The following SGMS1 variants were observed in gnomAD, a reference collection of about 807,000 sequenced individuals.
The protein encoded by SGMS1 is sphingomyelin synthase 1, also known as phosphatidylcholine:ceramide cholinephosphotransferase 1.
SGMS1 carries 13 observed loss-of-function variants against 46.2 expected under a neutral mutation model. That is an observed-to-expected ratio of 0.28 (90% CI 0.18 to 0.45). SGMS1 has a LOEUF of 0.45. SGMS1 is among the 20% of genes least tolerant of loss of function. SGMS1 has a pLI of 1.00. For synonymous variants in SGMS1, 203 were observed against 187.8 expected (o/e 1.08, Z -0.66); for missense variants, 324 against 519.9 (o/e 0.62, Z 3.66).
chr10:50,422,827 T>G (rs918407288), intron 6 of SGMS1, among the ~76,000 whole-genome samples: 1 of 152,220 alleles, frequency 6.6e-6, no homozygotes, highest in Non-Finnish European at 1.5e-5. Context: ...GTTTTACATT[T>G]GCATTAGAGC....
chr10:50,422,647 T>C, intron 6 of SGMS1, among the ~76,000 whole-genome samples: 1 of 152,200 alleles, frequency 6.6e-6, no homozygotes, highest in East Asian at 1.9e-4. Flanking sequence ...CAATTCCTCC[T>C]TAAATGTAAA....
intron 2 of SGMS1, among the ~76,000 whole-genome samples, chr10:50,573,075 A>G (rs186074373): frequency 9.2e-5 from 14 of 152,336 alleles, no homozygotes; most frequent in Admixed American, 8.5e-4. Context: ...CAAATTAAGT[A>G]TAACTTACCC....
At chr10:50,414,628 A>G (rs889934069) in intron 6 of SGMS1, among the ~76,000 whole-genome samples, 1 of 152,176 alleles carries the variant, frequency 6.6e-6, no homozygotes, top group Non-Finnish European at 1.5e-5. Context: ...TATTATTACT[A>G]TTATTTGTAT....
rs57835243 is a variant in SGMS1 at position 50,382,568 on chromosome 10, T to TACACACACACACACACACAC, written c.-231-38243_-231-38224dup. ...GAAAACACACACACAAACACACACA[T>TACACACACACACACACACAC]ACACACACACACACACACACACACA... On this transcript the variant is annotated intron_variant, in intron 6 of 10. Transcript: ENST00000361781. Among the ~76,000 whole-genome samples, 156 of 142,752 alleles carry TACACACACACACACACACAC rather than the reference T, an allele frequency of 1.1e-3. 2 individuals are homozygous for TACACACACACACACACACAC. The highest frequency in any genetic ancestry group is 3.7e-3 in the African/African-American group (140 of 38,258). The allele number at this position is 142,752 out of a possible 152,430, so 93.7% of individuals were successfully genotyped here.
At chr10:50,449,685 C>T (rs1026099386) in intron 5 of SGMS1, among the ~76,000 whole-genome samples, 12 of 151,882 alleles carry the variant, frequency 7.9e-5, no homozygotes, top group Middle Eastern at 3.4e-3. Flanking sequence ...CCCAATTAGA[C>T]TTACACTCCC....
chr10:50,591,588 C>T (rs1340237496), intron 1 of SGMS1, among the ~76,000 whole-genome samples: 3 of 152,136 alleles, frequency 2.0e-5, no homozygotes, highest in Admixed American at 6.5e-5. Context: ...TATATACATA[C>T]ATGCACTTTA....
upstream of SGMS1, chr10:50,625,108 G>A: frequency 7.3e-6 from 7 of 961,424 alleles, no homozygotes; most frequent in Non-Finnish European, 8.7e-6. Context: ...TAGGAGTCCT[G>A]TACCGACCCC....
intron 2 of SGMS1, among the ~76,000 whole-genome samples, chr10:50,551,709 G>T (rs1037561506): frequency 6.6e-6 from 1 of 151,872 alleles, no homozygotes; most frequent in African/African-American, 2.4e-5. Flanking sequence ...ACTGTCTTTG[G>T]CTCCTCTCCC....
chr10:50,535,231 A>AC (rs1837989799), intron 2 of SGMS1, among the ~76,000 whole-genome samples: 2 of 21,982 alleles, frequency 9.1e-5, no homozygotes, highest in South Asian at 2.7e-3. Flanking sequence ...AGTCCATCTC[A>AC]AAACAACAAC....
intron 2 of SGMS1, among the ~76,000 whole-genome samples, chr10:50,532,096 C>T (rs900992875): frequency 3.9e-5 from 6 of 152,146 alleles, no homozygotes; most frequent in Admixed American, 1.3e-4. Flanking sequence ...GGTCACCATC[C>T]GTGTGGAGTC....
chr10:50,321,709 C>T (rs564675355), intron 8 of SGMS1, among the ~76,000 whole-genome samples: 2 of 152,264 alleles, frequency 1.3e-5, no homozygotes, highest in African/African-American at 4.8e-5. Context: ...CAAGCCATAT[C>T]CTGAAATACT....
At chr10:50,603,383 C>T (rs919075050) in intron 1 of SGMS1, among the ~76,000 whole-genome samples, 1 of 152,220 alleles carries the variant, frequency 6.6e-6, no homozygotes, top group African/African-American at 2.4e-5. Flanking sequence ...GAGAGTCAAA[C>T]ACCTTGGTTT....
chr10:50,461,435 C>A (rs1043851733), intron 4 of SGMS1, among the ~76,000 whole-genome samples: 1 of 152,102 alleles, frequency 6.6e-6, no homozygotes, highest in Non-Finnish European at 1.5e-5. Flanking sequence ...GTAATTTGTA[C>A]TTATATGTGA....
At chr10:50,551,208 G>A (rs1033295129) in intron 2 of SGMS1, among the ~76,000 whole-genome samples, 1 of 151,726 alleles carries the variant, frequency 6.6e-6, no homozygotes, top group Non-Finnish European at 1.5e-5. Flanking sequence ...AGTCATGTTG[G>A]TACTATGTAC....
intron 2 of SGMS1, among the ~76,000 whole-genome samples, chr10:50,531,612 C>T (rs2221): frequency 0.17 from 26,412 of 152,078 alleles, 2,979 homozygotes; most frequent in Non-Finnish European, 0.26. Flanking sequence ...TAGGGCTTGG[C>T]TCTTTATCTG....
chr10:50,389,338 A>T (rs532151971), intron 6 of SGMS1, among the ~76,000 whole-genome samples: 103 of 152,326 alleles, frequency 6.8e-4, no homozygotes, highest in African/African-American at 2.4e-3. Flanking sequence ...ATAAAAACCA[A>T]TCTTTGCCTA....
chr10:50,376,678 C>T (rs1015690568), intron 6 of SGMS1, among the ~76,000 whole-genome samples: 3 of 152,166 alleles, frequency 2.0e-5, no homozygotes, highest in South Asian at 2.1e-4. Flanking sequence ...TGAGAACATG[C>T]GGTGTTTGGT....
At chr10:50,531,960 C>A (rs1837957159) in intron 2 of SGMS1, among the ~76,000 whole-genome samples, 1 of 152,180 alleles carries the variant, frequency 6.6e-6, no homozygotes, top group Admixed American at 6.5e-5. Flanking sequence ...GATTCTGAGA[C>A]CAAATTCTGG....
rs185490530 is a variant in SGMS1 at position 50,413,731 on chromosome 10, G to A, written c.-232+19745C>T. 4.6e-5 allele frequency among the ~76,000 whole-genome samples: 7 copies of A among 152,322 alleles called. No individual in the cohort carries two copies. The East Asian group carries it at 9.6e-4, about 21-fold the overall frequency. On this transcript the variant is annotated intron_variant, in intron 6 of 10. Coordinates refer to ENST00000361781, the MANE Select transcript of SGMS1 (RefSeq NM_147156.4). The stretch of plus-strand genomic sequence containing the variant: ...ATTGCACCCTGCAGAGAACCATTGA[G>A]TTAAGCTAATCACCCAAGATCATAA...
Sources: allele counts gnomAD v4.1 joint callset (sites outside exome capture counted in the v4.1 genomes callset), GRCh38; gene constraint gnomAD v4.1.1; transcripts MANE v1.5; gene names NCBI Gene and HGNC (gene_info 2026-07-23, HGNC 2026-07-21).